TBC1D22A: variants seen among roughly 807,000 people sequenced by gnomAD.
TBC1D22A encodes the protein TBC1 domain family member 22A.
TBC1D22A carries 38 observed loss-of-function variants against 60.2 expected under a neutral mutation model. The ratio of observed to expected loss-of-function variants is 0.63; its 90% confidence interval spans 0.49 to 0.83. The LOEUF (loss-of-function observed/expected upper bound fraction) is 0.83. Among genes scored for constraint, TBC1D22A ranks in the 40% least tolerant of loss-of-function variants. TBC1D22A has a pLI of 0.00. For synonymous variants in TBC1D22A, 302 were observed against 281.7 expected (o/e 1.07, Z -0.72); for missense variants, 628 against 701.0 (o/e 0.90, Z 1.18).
chr22:46,978,807 C>T (rs929005594), intron 9 of TBC1D22A, among the ~76,000 whole-genome samples: 2 of 152,132 alleles, frequency 1.3e-5, no homozygotes, highest in African/African-American at 4.8e-5. Context: ...CAGGGTTTCA[C>T]TGTGTTGGCC....
At chr22:46,940,713 T>TAC (rs142864335) in intron 8 of TBC1D22A, among the ~76,000 whole-genome samples, 11 of 129,682 alleles carry the variant, frequency 8.5e-5, no homozygotes, top group Non-Finnish European at 1.5e-4. Context: ...TGTATGTATA[T>TAC]ACACACACAC....
chr22:47,169,689 G>GAGAT (rs1271954851), intron 12 of TBC1D22A, among the ~76,000 whole-genome samples: 1 of 152,232 alleles, frequency 6.6e-6, no homozygotes, highest in African/African-American at 2.4e-5. Flanking sequence ...TGGCTTTGTT[G>GAGAT]AGATGGTGGT....
At chr22:46,941,731 A>G (rs2072137441) in intron 8 of TBC1D22A, among the ~76,000 whole-genome samples, 1 of 147,920 alleles carries the variant, frequency 6.8e-6, no homozygotes, top group South Asian at 2.1e-4. Context: ...CGGAATGTAT[A>G]TACGGAATAT....
At chr22:46,900,679 G>T (rs904165994) in intron 7 of TBC1D22A, among the ~76,000 whole-genome samples, 1 of 152,144 alleles carries the variant, frequency 6.6e-6, no homozygotes, top group African/African-American at 2.4e-5. Context: ...TTTACTTAGT[G>T]TAGTGGTTTT....
At chr22:47,159,915 G>GCCACATACATGTGTCACATGCA (rs530371369) in intron 12 of TBC1D22A, among the ~76,000 whole-genome samples, 28,246 of 149,754 alleles carry the variant, frequency 0.19, 3,242 homozygotes, top group African/African-American at 0.34. Flanking sequence ...ACACACATGT[G>GCCACATACATGTGTCACATGCA]CCACATACAT....
At chr22:46,935,782 T>A (rs971332263) in intron 8 of TBC1D22A, among the ~76,000 whole-genome samples, 3 of 152,164 alleles carry the variant, frequency 2.0e-5, no homozygotes, top group African/African-American at 4.8e-5. Flanking sequence ...TGGGCCCTCC[T>A]CTGAACTCTG....
chr22:46,973,818 T>C (rs2074177638), intron 8 of TBC1D22A, among the ~76,000 whole-genome samples: 5 of 152,224 alleles, frequency 3.3e-5, no homozygotes, highest in Admixed American at 2.6e-4. Context: ...TACGGCTTTC[T>C]GGGGTTTTGA....
chr22:47,086,327 C>T (rs1161119562), intron 11 of TBC1D22A, among the ~76,000 whole-genome samples: 3 of 152,106 alleles, frequency 2.0e-5, no homozygotes, highest in Admixed American at 6.5e-5. Flanking sequence ...TGGTGGCAGG[C>T]GCCTGTAATC....
chr22:47,091,972 C>T (rs577972132), intron 11 of TBC1D22A, among the ~76,000 whole-genome samples: 49 of 152,276 alleles, frequency 3.2e-4, no homozygotes, highest in Non-Finnish European at 5.0e-4. Context: ...TACTGGAAAG[C>T]GTGTACTCGT....
At chr22:47,130,451 C>T (rs1042852272) in intron 12 of TBC1D22A, among the ~76,000 whole-genome samples, 2 of 152,220 alleles carry the variant, frequency 1.3e-5, no homozygotes, top group Non-Finnish European at 2.9e-5. Flanking sequence ...TTGAGATCTA[C>T]ATGTCTGGAT....
At chr22:47,127,683 C>G (rs1435863175) in intron 12 of TBC1D22A, among the ~76,000 whole-genome samples, 2 of 152,100 alleles carry the variant, frequency 1.3e-5, no homozygotes, top group Admixed American at 6.5e-5. Context: ...TCCGCCTCGT[C>G]ATTGTTCACT....
chr22:46,901,431 G>T (rs2068987037), intron 7 of TBC1D22A, among the ~76,000 whole-genome samples: 1 of 152,188 alleles, frequency 6.6e-6, no homozygotes, highest in South Asian at 2.1e-4. Context: ...GGAAACCTCT[G>T]TGTTTTGCTA....
rs34401577 is a variant in TBC1D22A, at chr22:46,904,474, A to ATT, written c.901-7589_901-7588dup. 3.6e-4 allele frequency among the ~76,000 whole-genome samples: 53 copies of ATT among 146,946 alleles called. 1 individual carries two copies. The highest frequency in any genetic ancestry group is 5.6e-4 in the African/African-American group (22 of 39,536). On this transcript the variant is annotated intron_variant, in intron 7 of 12. Transcript: ENST00000337137. ...TGCTGGTGACCAGGATGAAAAACGAATTTTTTTTTTTTGAGACGGAGTCTT... is the reference window on the plus strand; with the variant it reads ...TGCTGGTGACCAGGATGAAAAACGAATTTTTTTTTTTTTTGAGACGGAGTCTT...
rs150430859 is a variant in TBC1D22A, at chr22:46,845,839, C to G, written c.638-32814C>G. Among the ~76,000 whole-genome samples, 43 of 152,322 alleles carry G rather than the reference C, an allele frequency of 2.8e-4. 1 individual carries two copies. Among genetic ancestry groups the G allele is most frequent in the African/African-American group, 9.9e-4 (41 of 41,582 alleles). ...TGTACTAGTTGCAAGCTGGGGACTT[C>G]AGAGTCTGTCGTTCCTGCTTTGCGT... On this transcript the variant is annotated intron_variant, in intron 4 of 12. Transcript: ENST00000337137.
intron 9 of TBC1D22A, among the ~76,000 whole-genome samples, chr22:46,982,694 C>G (rs2074562591): frequency 6.6e-6 from 1 of 152,188 alleles, no homozygotes; most frequent in Non-Finnish European, 1.5e-5. Context: ...TGGCACTGCC[C>G]TGAGGGACGT....
intron 11 of TBC1D22A, among the ~76,000 whole-genome samples, chr22:47,044,575 C>G (rs1302724438): frequency 6.6e-6 from 1 of 152,202 alleles, no homozygotes; most frequent in Non-Finnish European, 1.5e-5. Flanking sequence ...AGAAGCTGGT[C>G]TCCGTACATT....
At chr22:47,066,875 C>G (rs544864121) in intron 11 of TBC1D22A, among the ~76,000 whole-genome samples, 1 of 152,286 alleles carries the variant, frequency 6.6e-6, no homozygotes, top group African/African-American at 2.4e-5. Context: ...ACTGCAAATC[C>G]TGTCTCGAAT....
chr22:47,127,104 C>T (rs2066484189), intron 12 of TBC1D22A, among the ~76,000 whole-genome samples: 1 of 152,062 alleles, frequency 6.6e-6, no homozygotes, highest in African/African-American at 2.4e-5. Flanking sequence ...TTTTTTGATC[C>T]CTGGAAAACA....
intron 9 of TBC1D22A, among the ~76,000 whole-genome samples, chr22:46,976,102 C>T (rs1373427487): frequency 6.6e-6 from 1 of 152,190 alleles, no homozygotes; most frequent in Non-Finnish European, 1.5e-5. Flanking sequence ...TTATAAATTT[C>T]AAATGTCGCT....
Sources: gnomAD v4.1 joint callset for allele counts (sites outside exome capture counted in the v4.1 genomes callset) on GRCh38, gnomAD v4.1.1 for gene constraint, MANE v1.5 for transcripts, NCBI Gene and HGNC (gene_info 2026-07-23, HGNC 2026-07-21) for gene names.